Variants in CNOT10 observed in about 807,000 individuals in gnomAD.
CNOT10 encodes the protein CCR4-NOT transcription complex, subunit 10.
A neutral mutation model predicts 94.6 loss-of-function variants in CNOT10; 30 were observed. That is an observed-to-expected ratio of 0.32 (90% CI 0.24 to 0.43). The LOEUF is 0.43. Ranked by LOEUF, CNOT10 falls within the 20% of genes least tolerant of loss-of-function variation. The pLI, the probability that CNOT10 is intolerant of heterozygous loss-of-function variation, is 1.00. For missense variants in CNOT10, 759 were observed against 877.2 expected (o/e 0.87, Z 1.70); for synonymous variants, 289 against 301.6 (o/e 0.96, Z 0.43).
At chr3:32,772,505 T>C (rs1374574195) in intron 18 of CNOT10, among the ~76,000 whole-genome samples, 1 of 151,770 alleles carries the variant, frequency 6.6e-6, no homozygotes, top group Non-Finnish European at 1.5e-5. Flanking sequence ...CTGGGCAATA[T>C]AGTGAGACCC....
intron 14 of CNOT10, 110 bp downstream of exon 14, chr3:32,759,681 A>G (rs9832822): frequency 0.26 from 201,062 of 763,738 alleles, 27,874 homozygotes; most frequent in African/African-American, 0.44. Context: ...ATATATTTGT[A>G]AGGAAAGCAA....
chr3:32,760,827 T>A (rs557428632), intron 14 of CNOT10, among the ~76,000 whole-genome samples: 1 of 147,074 alleles, frequency 6.8e-6, no homozygotes, highest in Non-Finnish European at 1.5e-5. Flanking sequence ...AGTGTTTTTG[T>A]TTTTTTTTTA....
chr3:32,724,057 G>A (rs1006372172), intron 8 of CNOT10, among the ~76,000 whole-genome samples: 38 of 152,232 alleles, frequency 2.5e-4, no homozygotes, highest in African/African-American at 7.0e-4. Flanking sequence ...TGTAGGCTGG[G>A]CGATGGAATG....
At chr3:32,707,538 T>C (rs929523418) in intron 3 of CNOT10, among the ~76,000 whole-genome samples, 2 of 152,224 alleles carry the variant, frequency 1.3e-5, no homozygotes, top group South Asian at 4.1e-4. Context: ...GTGCGGTGGC[T>C]CATGCCTGTA....
At chr3:32,698,643 G>A (rs1471917837) in intron 1 of CNOT10, among the ~76,000 whole-genome samples, 1 of 152,196 alleles carries the variant, frequency 6.6e-6, no homozygotes, top group Non-Finnish European at 1.5e-5. Context: ...CGACTGGACT[G>A]AAGATGTGAC....
intron 1 of CNOT10, among the ~76,000 whole-genome samples, chr3:32,702,983 C>T (rs1419960775): frequency 6.6e-6 from 1 of 150,648 alleles, no homozygotes; most frequent in Admixed American, 6.6e-5. Context: ...ATTATCTTGG[C>T]TCACTGCAAG....
chr3:32,717,154 T>C lies in CNOT10; in HGVS notation c.661T>C (p.Tyr221His), dbSNP rs1463889885. ...CATACTAACATTTTCCCTTTGACAG[T>C]ACAAAGTACGAGCTTATATCCAAAT... ...IEAAKSKIHQ[Y>H]KVRAYIQMKS... The change falls in exon 7 of 19, where the codon TAC (tyrosine) becomes CAC (histidine). Residue 221 changes from tyrosine (Y) to histidine (H), a missense_variant and splice_region_variant. Tyr to His is a moderately conservative substitution (Grantham distance 83). This residue lies in a region of CNOT10 where 682 missense variants were observed against 799.4 expected (regional missense o/e 0.85). Transcript: ENST00000328834. 1.3e-6 allele frequency: 2 copies of C among 1,583,668 alleles called. No individual in the cohort carries two copies. Among genetic ancestry groups the C allele is most frequent in the Non-Finnish European group, 1.7e-6 (2 of 1,159,720 alleles).
Position 32,736,415 on chromosome 3 carries a change from G to A in CNOT10, c.1515-995G>A, listed in dbSNP as rs145413391. Among the ~76,000 whole-genome samples, 470 of 152,104 alleles carry A rather than the reference G, an allele frequency of 3.1e-3. 5 individuals carry two copies. Among genetic ancestry groups the A allele is most frequent in the African/African-American group, 0.011 (451 of 41,494 alleles). ...AATTCTGCTTTTTATACATGGCATC[G>A]TTAAACTTACATCTCCCATCCCAGC... is the stretch of plus-strand genomic sequence containing the variant. On this transcript the variant is annotated intron_variant, in intron 12 of 18. Coordinates refer to ENST00000328834, the MANE Select transcript of CNOT10 (RefSeq NM_015442.3).
In CNOT10 at chr3:32,718,556, C is replaced by T. The variant is rs1384077261; in HGVS notation, c.744+1319C>T. 2.2e-5 allele frequency among the ~76,000 whole-genome samples: 3 copies of T among 138,924 alleles called. No individual in the cohort carries two copies. The South Asian group carries it at 6.9e-4, about 32-fold the overall frequency. 91.1% of individuals were successfully genotyped at this position (138,924 alleles called of 152,430 possible). ...CCGAGACCGCGCCACTGCACTCCAG[C>T]CTGGGCGACAGAACAAGACTCATTC... On this transcript the variant is annotated intron_variant, in intron 7 of 18. Transcript: ENST00000328834.
intron 15 of CNOT10, 139 bp downstream of exon 15, chr3:32,763,002 T>TAG: frequency 1.8e-5 from 15 of 815,550 alleles, no homozygotes; most frequent in Non-Finnish European, 2.7e-5. Flanking sequence ...TGTCTGTACT[T>TAG]ACTTTGTAGC....
At chr3:32,712,489 C>G (rs1307912205) in intron 4 of CNOT10, among the ~76,000 whole-genome samples, 3 of 152,102 alleles carry the variant, frequency 2.0e-5, no homozygotes, top group Non-Finnish European at 2.9e-5. Flanking sequence ...TTCAGTATTC[C>G]TACCCTGAGG....
chr3:32,702,833 A>C (rs1040654948), intron 1 of CNOT10, among the ~76,000 whole-genome samples: 1 of 151,830 alleles, frequency 6.6e-6, no homozygotes, highest in African/African-American at 2.4e-5. Flanking sequence ...TTGTGTTTCA[A>C]CTTGGCCATA....
At chr3:32,770,858 C>T (rs1294608013) in intron 18 of CNOT10, among the ~76,000 whole-genome samples, 6 of 152,070 alleles carry the variant, frequency 3.9e-5, no homozygotes, top group African/African-American at 7.2e-5. Flanking sequence ...GGATTACAGG[C>T]ACCCACCAAC....
chr3:32,753,202 A>G lies in CNOT10; in HGVS notation c.1596-6256A>G, dbSNP rs184201780. On this transcript the variant is annotated intron_variant, in intron 13 of 18. Transcript: ENST00000328834. The stretch of plus-strand genomic sequence containing the variant: ...ATGAAAAAAACTATGCTGCTGCCCT[A>G]GAAATTTTTACAGAAGGACAAAAAT... 4.9e-5 allele frequency: 34 copies of G among 690,582 alleles called. No homozygotes were observed. In the Admixed American group the frequency reaches 5.5e-4, roughly 11 times the overall value. The allele number at this position is 690,582 out of a possible 1,614,324, so 42.8% of individuals were successfully genotyped here.
chr3:32,695,846 T>C (rs1033424861), intron 1 of CNOT10: 157 of 1,519,152 alleles, frequency 1.0e-4, no homozygotes, highest in Non-Finnish European at 1.3e-4. Context: ...TCAGTAGTTA[T>C]AAATAATAAA....
intron 2 of CNOT10, among the ~76,000 whole-genome samples, chr3:32,704,299 C>T (rs1021761976): frequency 1.3e-5 from 2 of 151,968 alleles, no homozygotes; most frequent in Non-Finnish European, 2.9e-5. Context: ...CTGAAAATAT[C>T]AGATTCAAAA....
rs1036319159 is a variant in CNOT10, at chr3:32,769,878, T to G, written c.2005-9T>G. On this transcript the variant is annotated splice_polypyrimidine_tract_variant and intron_variant, in intron 17 of 18. Transcript: ENST00000328834. ...TTTTTTCACGGGCATCTTTCTGTTTTGAGCAAAGGCGGCTTCAATGATCCA... is the reference window on the plus strand; with the variant it reads ...TTTTTTCACGGGCATCTTTCTGTTTGGAGCAAAGGCGGCTTCAATGATCCA... The G allele has an allele frequency of 8.1e-6, 13 of 1,613,070 alleles. No individual in the cohort carries two copies. The Admixed American group carries it at 1.5e-4, about 19-fold the overall frequency.
In CNOT10 at chr3:32,716,806, A is replaced by C. The variant is rs181992827; in HGVS notation, c.661-348A>C. ...TGGGATTACTAGTGCGCATCACCAC[A>C]CCCGGATAATTTTTTGTATTTTTAG... On this transcript the variant is annotated intron_variant, in intron 6 of 18. Transcript: ENST00000328834. Among the ~76,000 whole-genome samples, 165 of 151,940 alleles carry C rather than the reference A, an allele frequency of 1.1e-3. 3 individuals carry two copies. The East Asian group carries it at 0.027, about 25-fold the overall frequency.
At chr3:32,690,751 G>GTT (rs1696812563) in intron 1 of CNOT10, among the ~76,000 whole-genome samples, 1 of 151,996 alleles carries the variant, frequency 6.6e-6, no homozygotes, top group Admixed American at 6.6e-5. Flanking sequence ...GTTTCACCAT[G>GTT]TTGGCCAGGC....
Sources: allele counts gnomAD v4.1 joint callset (sites outside exome capture counted in the v4.1 genomes callset), GRCh38; gene constraint gnomAD v4.1.1; regional missense constraint gnomAD v4.1.1; transcripts MANE v1.5; gene names NCBI Gene and HGNC (gene_info 2026-07-23, HGNC 2026-07-21).